Variants in MARCHF7 observed in about 807,000 individuals in gnomAD.
MARCHF7 encodes the protein membrane associated ring-CH-type finger 7.
In MARCHF7, 20 loss-of-function variants were observed where a neutral mutation model predicts 76.5. The ratio of observed to expected loss-of-function variants is 0.26; its 90% CI spans 0.18 to 0.38. The LOEUF (loss-of-function observed/expected upper bound fraction) is 0.38, where lower values mean the gene tolerates loss of function less well. Ranked by LOEUF, MARCHF7 falls within the 10% of genes least tolerant of loss-of-function variation. MARCHF7 has a pLI of 1.00. For synonymous variants in MARCHF7, 295 were observed against 293.0 expected, an observed-to-expected ratio of 1.01 and a Z score of -0.07; for missense variants, 797 against 812.9, an observed-to-expected ratio of 0.98 and a Z score of 0.24.
chr2:159,733,478 T>C (rs1703063035), intron 4 of MARCHF7: 3 of 953,114 alleles, frequency 3.1e-6, no homozygotes, highest in Non-Finnish European at 2.5e-6. Context: ...GATCAAGCAG[T>C]CTTCCTGCCT....
At chr2:159,749,690 A>G (rs1331896011) in intron 7 of MARCHF7, among the ~76,000 whole-genome samples, 3 of 151,380 alleles carry the variant, frequency 2.0e-5, no homozygotes, top group Non-Finnish European at 4.4e-5. Context: ...TTTCATTCAT[A>G]GGTAAATAGA....
chr2:159,728,636 C>T (rs963660395), intron 3 of MARCHF7, among the ~76,000 whole-genome samples: 1 of 151,990 alleles, frequency 6.6e-6, no homozygotes, highest in African/African-American at 2.4e-5. Flanking sequence ...AAGGGGTATG[C>T]AAATAGTACA....
chr2:159,755,844 T>C (rs962698724), intron 8 of MARCHF7, among the ~76,000 whole-genome samples: 2 of 152,066 alleles, frequency 1.3e-5, no homozygotes, highest in African/African-American at 4.8e-5. Context: ...TGGGTTCAAG[T>C]TGGAGATTAT....
At position 159,767,642 on chromosome 2, in the gene MARCHF7, A is replaced by T. The variant is rs901942329; in HGVS notation, c.*300A>T. ...TGTTTTAAATATCTAAGCAATGCCTATCAACCCTTTTTTGTGTTATGATTA... is the reference window on the plus strand; with the variant it reads ...TGTTTTAAATATCTAAGCAATGCCTTTCAACCCTTTTTTGTGTTATGATTA... On this transcript the variant is annotated 3_prime_UTR_variant, in exon 12 of 12. Transcript: ENST00000409175. 2.9e-5 allele frequency: 6 copies of T among 206,708 alleles called. No individual in the cohort carries two copies. The highest frequency in any genetic ancestry group is 5.8e-5 in the Non-Finnish European group (6 of 104,020). 12.8% of individuals were successfully genotyped at this position (206,708 alleles called of 1,614,324 possible).
At chr2:159,721,781 G>T (rs991714683) in intron 3 of MARCHF7, among the ~76,000 whole-genome samples, 1 of 152,140 alleles carries the variant, frequency 6.6e-6, no homozygotes, top group Non-Finnish European at 1.5e-5. Flanking sequence ...ACTTCAGTGA[G>T]GCATACTTCA....
Position 159,743,046 on chromosome 2 carries a change from T to C in MARCHF7, c.154-15T>C, listed in dbSNP as rs767371850. ...GCAGCCTTTTGTTGTTTAAAAAATTTTTTTGAACTCACAGTCTACATCAGC... is the reference window on the plus strand; with the variant it reads ...GCAGCCTTTTGTTGTTTAAAAAATTCTTTTGAACTCACAGTCTACATCAGC... On this transcript the variant is annotated splice_polypyrimidine_tract_variant and intron_variant, in intron 4 of 11. Transcript: ENST00000409175. The C allele has an allele frequency of 1.9e-6, 3 of 1,599,122 alleles. No individual in the cohort carries two copies. Among genetic ancestry groups the C allele is most frequent in the Non-Finnish European group, 2.6e-6 (3 of 1,172,078 alleles).
intron 3 of MARCHF7, among the ~76,000 whole-genome samples, chr2:159,717,408 T>C (rs930232997): frequency 2.6e-5 from 4 of 152,144 alleles, no homozygotes; most frequent in Admixed American, 2.0e-4. Flanking sequence ...GAGTGGGTGG[T>C]AAAATAGGTT....
At chr2:159,749,744 G>GC (rs1191988643) in intron 7 of MARCHF7, among the ~76,000 whole-genome samples, 3 of 149,434 alleles carry the variant, frequency 2.0e-5, no homozygotes, top group Non-Finnish European at 4.5e-5. Context: ...GGGCGGGGGG[G>GC]GCGGTTGTGA....
chr2:159,754,317 T>C (rs1706027358), intron 8 of MARCHF7, among the ~76,000 whole-genome samples: 1 of 151,882 alleles, frequency 6.6e-6, no homozygotes, highest in African/African-American at 2.4e-5. Flanking sequence ...GAAGAATGCT[T>C]TAAGGTATAT....
chr2:159,755,557 A>T (rs1706190354), intron 8 of MARCHF7, among the ~76,000 whole-genome samples: 1 of 152,176 alleles, frequency 6.6e-6, no homozygotes, highest in South Asian at 2.1e-4. Context: ...ATAGAAGCAT[A>T]TATATAGGTA....
At chr2:159,728,872 C>A in intron 3 of MARCHF7, 137 bp from the exon 4 acceptor site, 1 of 466,016 alleles carries the variant, frequency 2.1e-6, no homozygotes, top group Non-Finnish European at 3.7e-6. Flanking sequence ...AAGTGGTGAT[C>A]ATTTCACAAT....
intron 3 of MARCHF7, among the ~76,000 whole-genome samples, chr2:159,718,910 G>A (rs1302235246): frequency 1.3e-5 from 2 of 152,100 alleles, no homozygotes; most frequent in African/African-American, 2.4e-5. Context: ...GTATGTAACT[G>A]AAAAATATAC....
chr2:159,760,280 T>A (rs577007140), intron 9 of MARCHF7, among the ~76,000 whole-genome samples: 6 of 152,360 alleles, frequency 3.9e-5, no homozygotes, highest in African/African-American at 1.4e-4. Context: ...TGATTAAAAC[T>A]ATGTACCCTT....
chr2:159,743,750 A>G (rs1704440484), intron 5 of MARCHF7, among the ~76,000 whole-genome samples: 1 of 131,714 alleles, frequency 7.6e-6, no homozygotes, highest in Non-Finnish European at 1.6e-5. Context: ...AAAAAAAAAA[A>G]GAGAGAATTA....
At chr2:159,731,955 T>C (rs961970707) in intron 4 of MARCHF7, among the ~76,000 whole-genome samples, 16 of 151,006 alleles carry the variant, frequency 1.1e-4, no homozygotes, top group African/African-American at 3.7e-4. Context: ...TTACAAAAAA[T>C]TAGCCGGGCG....
intron 3 of MARCHF7, among the ~76,000 whole-genome samples, chr2:159,719,872 G>A (rs554205064): frequency 3.9e-5 from 6 of 152,200 alleles, no homozygotes; most frequent in Middle Eastern, 3.4e-3. Flanking sequence ...TTCTTCTGTC[G>A]GGGCATTAGT....
intron 4 of MARCHF7, among the ~76,000 whole-genome samples, chr2:159,739,794 CATT>C: frequency 6.6e-6 from 1 of 152,292 alleles, no homozygotes; most frequent in East Asian, 1.9e-4. Context: ...TATATACTGA[CATT>C]ATGTATACTG....
intron 9 of MARCHF7, among the ~76,000 whole-genome samples, chr2:159,762,448 T>G (rs1206134714): frequency 6.6e-6 from 1 of 152,230 alleles, no homozygotes; most frequent in Non-Finnish European, 1.5e-5. Flanking sequence ...TATTTATGCC[T>G]TTATGTTCAT....
intron 9 of MARCHF7, among the ~76,000 whole-genome samples, chr2:159,760,688 C>G (rs1250610377): frequency 6.6e-6 from 1 of 150,516 alleles, no homozygotes; most frequent in Non-Finnish European, 1.5e-5. Context: ...TTCATCCTGT[C>G]TCTCAAAGGC....
Sources: allele counts gnomAD v4.1 joint callset (sites outside exome capture counted in the v4.1 genomes callset), GRCh38; gene constraint gnomAD v4.1.1; transcripts MANE v1.5; gene names NCBI Gene and HGNC (gene_info 2026-07-23, HGNC 2026-07-21).